The following RAB3GAP1 variants were observed in gnomAD, a reference collection of about 807,000 sequenced individuals.
RAB3GAP1 encodes rab3 GTPase-activating protein catalytic subunit.
Under a neutral mutation model 130.7 loss-of-function variants are expected in RAB3GAP1, and 86 were observed. That is an observed-to-expected ratio of 0.66 (90% CI 0.55 to 0.79). RAB3GAP1 has a LOEUF of 0.79. RAB3GAP1 is among the 30% of genes least tolerant of loss of function. The pLI is 0.00. For missense variants in RAB3GAP1, 1,029 were observed against 1,169.4 expected, an observed-to-expected ratio of 0.88 and a Z score of 1.75; for synonymous variants, 367 against 401.7, an observed-to-expected ratio of 0.91 and a Z score of 1.03.
chr2:135,157,840 A>C (rs1475949806), intron 19 of RAB3GAP1, among the ~76,000 whole-genome samples: 2 of 151,794 alleles, frequency 1.3e-5, no homozygotes, highest in South Asian at 2.1e-4. Flanking sequence ...TCAAAAAAAA[A>C]AAAAAAAAAC....
intron 13 of RAB3GAP1, among the ~76,000 whole-genome samples, chr2:135,131,362 A>T (rs1691535128): frequency 2.0e-5 from 3 of 152,196 alleles, no homozygotes; most frequent in Admixed American, 6.5e-5. Flanking sequence ...AGTAGCTGGG[A>T]CTACAGTCAC....
chr2:135,162,834 G>A lies in RAB3GAP1; in HGVS notation c.2473G>A (p.Glu825Lys). The change falls in exon 21 of 24, where the codon GAA (glutamate) becomes AAA (lysine). Residue 825 changes from glutamate (E) to lysine (K), a missense_variant. Physicochemically the swap from Glu to Lys is moderately conservative, Grantham distance 56. Transcript: ENST00000264158. The stretch of plus-strand genomic sequence containing the variant: ...TAAAGTTTTGCACTTCCCCAATCCA[G>A]AAGACAAGAAATTGGAAGTAAGTTT... ...SSKVLHFPNPEDKKLEEIIHQ... is the reference protein window; with the variant it reads ...SSKVLHFPNPKDKKLEEIIHQ... The A allele has an allele frequency of 6.2e-7, 1 of 1,611,868 alleles. No homozygotes were observed. Among genetic ancestry groups the A allele is most frequent in the Non-Finnish European group, 8.5e-7 (1 of 1,177,948 alleles).
rs577865854 is a variant in RAB3GAP1, at chr2:135,124,912, T to A, written c.830+666T>A. 2.6e-5 allele frequency among the ~76,000 whole-genome samples: 4 copies of A among 152,330 alleles called. No homozygotes were observed. In the South Asian group the frequency reaches 8.3e-4, roughly 32 times the overall value. The stretch of plus-strand genomic sequence containing the variant: ...CTAAAATATTTACTCTCTGGCTCTT[T>A]ATAGAAAATGTTTGCCAACTCCTGA... On this transcript the variant is annotated intron_variant, in intron 9 of 23. Transcript: ENST00000264158.
At chr2:135,134,568 C>T (rs1474355753) in intron 15 of RAB3GAP1, among the ~76,000 whole-genome samples, 4 of 152,168 alleles carry the variant, frequency 2.6e-5, no homozygotes, top group African/African-American at 7.2e-5. Context: ...TTCATTAGCA[C>T]ATAGGTTGAT....
chr2:135,107,319 T>G (rs1229782778), intron 5 of RAB3GAP1, among the ~76,000 whole-genome samples: 2 of 152,062 alleles, frequency 1.3e-5, no homozygotes, highest in African/African-American at 4.8e-5. Flanking sequence ...TATATTCTCA[T>G]AATTTAAAAA....
chr2:135,065,295 G>T (rs747340808), intron 3 of RAB3GAP1, among the ~76,000 whole-genome samples: 3 of 152,172 alleles, frequency 2.0e-5, no homozygotes, highest in African/African-American at 7.2e-5. Flanking sequence ...GAGGACCGTT[G>T]TCTGTCTCTG....
chr2:135,100,674 A>G (rs1690425029), intron 5 of RAB3GAP1, among the ~76,000 whole-genome samples: 2 of 152,248 alleles, frequency 1.3e-5, no homozygotes, highest in Non-Finnish European at 2.9e-5. Context: ...TATTAAATGT[A>G]TGTGTATTTT....
At chr2:135,160,380 C>T (rs943273856) in intron 19 of RAB3GAP1, among the ~76,000 whole-genome samples, 4 of 152,034 alleles carry the variant, frequency 2.6e-5, no homozygotes, top group Non-Finnish European at 5.9e-5. Flanking sequence ...TCATAAAAGA[C>T]ACATTTTGCG....
intron 9 of RAB3GAP1, among the ~76,000 whole-genome samples, chr2:135,124,630 A>T (rs1691299218): frequency 6.6e-6 from 1 of 152,148 alleles, no homozygotes; most frequent in Non-Finnish European, 1.5e-5. Context: ...ACGCCATTGC[A>T]CTCCAACCTG....
intron 17 of RAB3GAP1, among the ~76,000 whole-genome samples, chr2:135,139,811 T>A (rs993865077): frequency 1.3e-5 from 2 of 152,204 alleles, no homozygotes; most frequent in African/African-American, 4.8e-5. Flanking sequence ...ATTAAATTTT[T>A]AATTTTAATT....
At chr2:135,130,200 AGTT>A (rs1691491377) in intron 12 of RAB3GAP1, 113 bp downstream of exon 12, 1 of 892,130 alleles carries the variant, frequency 1.1e-6, no homozygotes, top group African/African-American at 1.7e-5. Context: ...TGGATAATCA[AGTT>A]TTGATGGACT....
At chr2:135,123,149 T>C (rs996804268) in intron 8 of RAB3GAP1, among the ~76,000 whole-genome samples, 3 of 152,224 alleles carry the variant, frequency 2.0e-5, no homozygotes, top group African/African-American at 4.8e-5. Flanking sequence ...CCAAGTCCGA[T>C]GTGCTTTTCA....
At position 135,112,838 on chromosome 2, in the gene RAB3GAP1, A is replaced by T. The variant is rs61203852; in HGVS notation, c.363-313A>T. 0.047 allele frequency among the ~76,000 whole-genome samples: 6,247 copies of T among 131,772 alleles called. 421 individuals are homozygous for T. The highest frequency in any genetic ancestry group is 0.19 in the African/African-American group (5,951 of 30,664). 86.4% of individuals were successfully genotyped at this position (131,772 alleles called of 152,430 possible). A position where few individuals can be genotyped will look rare whatever the true frequency, so the allele number is the denominator to read the frequency against. ...AAGTCTCTCTCTCTCTCTCTCTCAC[A>T]CACACACACACACACACACACACAC... On this transcript the variant is annotated intron_variant, in intron 5 of 23. Transcript: ENST00000264158.
chr2:135,130,848 A>C lies in RAB3GAP1; in HGVS notation c.1236+127A>C. Reference sequence around the variant, plus strand: ...TGAGTAAAACAGTTACCACATTTAGAAAATTCCTACTAGTTTAGTGGTGAG... The same window carrying C: ...TGAGTAAAACAGTTACCACATTTAGCAAATTCCTACTAGTTTAGTGGTGAG... On this transcript the variant is annotated intron_variant, in intron 13 of 23. Transcript: ENST00000264158. 3 of 870,654 alleles carry C rather than the reference A, an allele frequency of 3.4e-6. No individual in the cohort carries two copies. The Admixed American group carries it at 7.4e-5, about 21-fold the overall frequency. The allele number at this position is 870,654 out of a possible 1,614,324, so 53.9% of individuals were successfully genotyped here. A position where few individuals can be genotyped will look rare whatever the true frequency, so the allele number is the denominator to read the frequency against.
At chr2:135,128,863 A>T (rs1691433178) in intron 11 of RAB3GAP1, among the ~76,000 whole-genome samples, 1 of 152,210 alleles carries the variant, frequency 6.6e-6, no homozygotes, top group Non-Finnish European at 1.5e-5. Flanking sequence ...TTATAATATG[A>T]CAGACAGCTG....
At chr2:135,082,024 C>T (rs1259253725) in intron 3 of RAB3GAP1, among the ~76,000 whole-genome samples, 3 of 151,884 alleles carry the variant, frequency 2.0e-5, no homozygotes, top group Middle Eastern at 3.2e-3. Context: ...CACCTGTAGT[C>T]CCAGCTAATC....
Position 135,168,771 on chromosome 2 carries a change from CCTT to C in RAB3GAP1, c.2942_2944del (p.Phe981del), listed in dbSNP as rs2105008516. The C allele has an allele frequency of 6.2e-7, 1 of 1,610,706 alleles. No homozygotes were observed. The highest frequency in any genetic ancestry group is 1.7e-4 in the Middle Eastern group (1 of 6,054). ...GCAGGTGCCTTTTCATCAGATACTT[CCTT>C]CTTCTGATTCTTCTAGCATTACTCG... On this transcript the variant is annotated inframe_deletion, in exon 24 of 24. Transcript: ENST00000264158.
chr2:135,112,660 A>G (rs1285580625), intron 5 of RAB3GAP1, among the ~76,000 whole-genome samples: 2 of 152,194 alleles, frequency 1.3e-5, no homozygotes, highest in East Asian at 3.8e-4. Flanking sequence ...AGTTGTTTTA[A>G]GGAATCAGCT....
At chr2:135,171,461 T>A (rs527275068), downstream of RAB3GAP1, among the ~76,000 whole-genome samples, 1 of 152,246 alleles carries the variant, frequency 6.6e-6, no homozygotes, top group Admixed American at 6.5e-5. Context: ...ACAACTGCAA[T>A]GTGTTTTTTA....
Sources: allele counts gnomAD v4.1 joint callset (sites outside exome capture counted in the v4.1 genomes callset), GRCh38; gene constraint gnomAD v4.1.1; transcripts MANE v1.5; gene names NCBI Gene and HGNC (gene_info 2026-07-23, HGNC 2026-07-21).